The following LOXL2 variants were observed in gnomAD, a reference collection of about 807,000 sequenced individuals.
LOXL2 encodes lysyl oxidase like 2.
In LOXL2, 70 loss-of-function variants were observed where a neutral mutation model predicts 93.0. That is an observed-to-expected ratio of 0.75 (90% confidence interval 0.62 to 0.92). LOXL2 has a LOEUF of 0.92. Ranked by LOEUF, LOXL2 falls within the 40% of genes least tolerant of loss-of-function variation. LOXL2 has a pLI of 0.00. For missense variants in LOXL2, 973 were observed against 1,054.9 expected, an observed-to-expected ratio of 0.92 and a Z score of 1.08; for synonymous variants, 438 against 413.2, an observed-to-expected ratio of 1.06 and a Z score of -0.73.
chr8:23,397,169 A>C (rs1460836585), intron 1 of LOXL2, among the ~76,000 whole-genome samples: 1 of 152,172 alleles, frequency 6.6e-6, no homozygotes, highest in Non-Finnish European at 1.5e-5. Context: ...ACAGAGACAG[A>C]AAGTAGAATG....
At chr8:23,326,653 C>T (rs1331567115) in intron 6 of LOXL2, among the ~76,000 whole-genome samples, 1 of 152,066 alleles carries the variant, frequency 6.6e-6, no homozygotes, top group Non-Finnish European at 1.5e-5. Context: ...ACCTGGGAGG[C>T]TGAGGCAGGA....
At chr8:23,334,050 CT>C (rs60339149) in intron 4 of LOXL2, among the ~76,000 whole-genome samples, 7 of 150,530 alleles carry the variant, frequency 4.7e-5, no homozygotes, top group Non-Finnish European at 5.9e-5. Context: ...TGTTGTCATT[CT>C]TTTTTTTTTC....
intron 3 of LOXL2, among the ~76,000 whole-genome samples, chr8:23,348,447 T>TA (rs113476416): frequency 0.29 from 43,755 of 151,682 alleles, 8,133 homozygotes; most frequent in African/African-American, 0.53. Context: ...CACCTGCCCA[T>TA]AGTCCTAGCT....
intron 10 of LOXL2, among the ~76,000 whole-genome samples, chr8:23,306,808 G>T (rs765852162): frequency 6.6e-6 from 1 of 152,256 alleles, no homozygotes; most frequent in Non-Finnish European, 1.5e-5. Flanking sequence ...CCCATGCTTT[G>T]TCCTGTCAGA....
At chr8:23,305,037 T>C (rs988511988) in intron 10 of LOXL2, among the ~76,000 whole-genome samples, 17 of 152,218 alleles carry the variant, frequency 1.1e-4, no homozygotes, top group Non-Finnish European at 2.5e-4. Flanking sequence ...CGGGTTCCAC[T>C]GAGAACATTC....
intron 5 of LOXL2, among the ~76,000 whole-genome samples, chr8:23,330,312 C>T (rs1011489090): frequency 2.6e-5 from 4 of 151,972 alleles, no homozygotes; most frequent in Non-Finnish European, 5.9e-5. Context: ...CTGGCCTGGG[C>T]GAAAGAGCGA....
intron 1 of LOXL2, among the ~76,000 whole-genome samples, chr8:23,383,907 G>A (rs112409309): frequency 0.12 from 18,358 of 151,872 alleles, 1,358 homozygotes; most frequent in Admixed American, 0.18. Flanking sequence ...TGATCCACCC[G>A]CCTCGGCCTC....
At chr8:23,387,629 A>G (rs1046888546) in intron 1 of LOXL2, among the ~76,000 whole-genome samples, 3 of 152,210 alleles carry the variant, frequency 2.0e-5, no homozygotes, top group African/African-American at 7.2e-5. Context: ...GATTTCATCT[A>G]CCAAATGGAA....
chr8:23,346,916 T>C (rs1585362497), intron 3 of LOXL2, among the ~76,000 whole-genome samples: 1 of 152,096 alleles, frequency 6.6e-6, no homozygotes, highest in African/African-American at 2.4e-5. Flanking sequence ...AATGCATGAG[T>C]GTCAACTCTA....
chr8:23,390,797 G>A (rs1804832666), intron 1 of LOXL2, among the ~76,000 whole-genome samples: 1 of 152,164 alleles, frequency 6.6e-6, no homozygotes, highest in Non-Finnish European at 1.5e-5. Flanking sequence ...TTCAGAAAGT[G>A]ATAGAGACAA....
chr8:23,306,762 G>A (rs1213669133), intron 10 of LOXL2, among the ~76,000 whole-genome samples: 2 of 152,254 alleles, frequency 1.3e-5, no homozygotes, highest in Admixed American at 1.3e-4. Flanking sequence ...GGAGAGCCAA[G>A]CCCCTTGGCC....
chr8:23,361,727 G>C (rs1341784115), intron 2 of LOXL2, among the ~76,000 whole-genome samples: 2 of 152,128 alleles, frequency 1.3e-5, no homozygotes, highest in African/African-American at 4.8e-5. Flanking sequence ...TGTAATCCCA[G>C]CTACTCGGGA....
At chr8:23,340,906 A>G in intron 4 of LOXL2, 86 bp downstream of exon 4, 2 of 1,269,014 alleles carry the variant, frequency 1.6e-6, no homozygotes, top group Non-Finnish European at 2.3e-6. Flanking sequence ...CTGGCCAAGG[A>G]AAGGCCACCA....
At position 23,378,443 on chromosome 8, in the gene LOXL2, T is replaced by G. The variant is rs552553300; in HGVS notation, c.-83-10009A>C. On this transcript the variant is annotated intron_variant, in intron 1 of 13. Transcript: ENST00000389131. ...TTGGAGTTGCTCTTCTCCAGGAGTA[T>G]CTTTGTGGCATTCTCTGTATTTCCC... is the stretch of plus-strand genomic sequence containing the variant. Among the ~76,000 whole-genome samples the G allele has an allele frequency of 1.1e-4, 16 of 152,298 alleles. No individual in the cohort carries two copies. The South Asian group carries it at 1.4e-3, about 14-fold the overall frequency.
In LOXL2 at chr8:23,340,977, G is replaced by T. The variant is rs771377828; in HGVS notation, c.743+15C>A. The T allele has an allele frequency of 2.5e-6, 4 of 1,608,178 alleles. No individual in the cohort carries two copies. The East Asian group carries it at 6.7e-5, about 27-fold the overall frequency. ...GGATACCCTCAAAGCCACCCCTTTG[G>T]TGCAGTCCTCTTACTTGTACACTTT... is the stretch of plus-strand genomic sequence containing the variant. On this transcript the variant is annotated intron_variant, in intron 4 of 13. Transcript: ENST00000389131.
At chr8:23,305,263 C>T (rs1259198524) in intron 10 of LOXL2, among the ~76,000 whole-genome samples, 1 of 152,188 alleles carries the variant, frequency 6.6e-6, no homozygotes. Context: ...ACGGAGCGCA[C>T]AGACAGACTC....
chr8:23,322,765 A>C (rs1331072965), intron 6 of LOXL2, among the ~76,000 whole-genome samples: 1 of 152,238 alleles, frequency 6.6e-6, no homozygotes, highest in African/African-American at 2.4e-5. Context: ...AGTGAAGGGA[A>C]ATCACAGAGC....
chr8:23,309,895 G>T lies in LOXL2; in HGVS notation c.1653C>A (p.Val551=). The T allele has an allele frequency of 6.5e-7, 1 of 1,531,742 alleles. No individual in the cohort carries two copies. Among genetic ancestry groups the T allele is most frequent in the South Asian group, 1.2e-5 (1 of 80,732 alleles). 94.9% of individuals were successfully genotyped at this position (1,531,742 alleles called of 1,614,324 possible). ...TCTGCTGCACCATCTCCGCATTGAG[G>T]ACCAGGTCAGGGGCGGCTGCGGAGG... ...VACSETAPDL[V]LNAEMVQQTT... is the part of the protein sequence containing the mutation. Residue 551 remains valine, a synonymous_variant, in exon 10 of 14, where the codon GTC becomes GTA. Coordinates refer to ENST00000389131, the MANE Select transcript of LOXL2 (RefSeq NM_002318.3).
At chr8:23,397,521 G>A (rs1002291122) in intron 1 of LOXL2, among the ~76,000 whole-genome samples, 3 of 152,156 alleles carry the variant, frequency 2.0e-5, no homozygotes, top group Non-Finnish European at 2.9e-5. Context: ...GCTCACGCCT[G>A]TAATCCCAGC....
Sources: gnomAD v4.1 joint callset for allele counts (sites outside exome capture counted in the v4.1 genomes callset) on GRCh38, gnomAD v4.1.1 for gene constraint, MANE v1.5 for transcripts, NCBI Gene and HGNC (gene_info 2026-07-23, HGNC 2026-07-21) for gene names.